The following CCSER2 variants were observed in gnomAD, a reference collection of about 807,000 sequenced individuals.
CCSER2 encodes serine-rich coiled-coil domain-containing protein 2.
A neutral mutation model predicts 92.3 loss-of-function variants in CCSER2; 46 were observed. The observed-to-expected ratio is 0.50, with a 90% CI of 0.39 to 0.64. CCSER2 has a LOEUF of 0.64. Ranked by LOEUF, CCSER2 falls within the 30% of genes least tolerant of loss-of-function variation. The probability of loss-of-function intolerance (pLI) is 0.00; values close to 1 mark genes in which losing one functional copy is unlikely to be tolerated. For missense variants in CCSER2, 1,244 were observed against 1,238.9 expected (o/e 1.00, Z -0.06); for synonymous variants, 433 against 431.4 (o/e 1.00, Z -0.04).
intron 6 of CCSER2, among the ~76,000 whole-genome samples, chr10:84,445,584 AG>A (rs1349866130): frequency 6.6e-6 from 1 of 152,244 alleles, no homozygotes; most frequent in Non-Finnish European, 1.5e-5. Flanking sequence ...CTGTGTAGCC[AG>A]CATCTAGCAA....
In CCSER2 at chr10:84,371,313, T is replaced by G; in HGVS notation, c.261T>G (p.Asn87Lys). ...QGVEEPNNTQ[N>K]SHDKIIDPEK... is the part of the protein sequence containing the mutation. ...TCGAAGAGCCTAACAATACTCAAAA[T>G]TCACATGATAAAATAATTGATCCTG... The change falls in exon 2 of 10, where the codon AAT becomes AAG. Residue 87 changes from asparagine to lysine, a missense_variant. Physicochemically the swap from Asn to Lys is moderately conservative, Grantham distance 94. Transcript: ENST00000372088. 6.2e-7 allele frequency: 1 copy of G among 1,613,700 alleles called. No individual in the cohort carries two copies. The highest frequency in any genetic ancestry group is 8.5e-7 in the Non-Finnish European group (1 of 1,179,850).
intron 1 of CCSER2, among the ~76,000 whole-genome samples, chr10:84,368,580 A>G (rs1234337287): frequency 6.6e-6 from 1 of 152,058 alleles, no homozygotes; most frequent in Non-Finnish European, 1.5e-5. Flanking sequence ...TTTAAAAATA[A>G]AAAAAAATTC....
At chr10:84,457,213 T>TTTAAA (rs1564683886) in intron 6 of CCSER2, among the ~76,000 whole-genome samples, 4 of 112,654 alleles carry the variant, frequency 3.6e-5, no homozygotes, top group Non-Finnish European at 6.9e-5. Context: ...TTTATATATA[T>TTTAAA]ATTACATATT....
chr10:84,497,329 C>T (rs1005341132), intron 9 of CCSER2, among the ~76,000 whole-genome samples: 7 of 152,192 alleles, frequency 4.6e-5, no homozygotes, highest in Admixed American at 1.3e-4. Flanking sequence ...GAGTAACATT[C>T]TTTGTCTTTC....
Position 84,425,854 on chromosome 10 carries a change from C to G in CCSER2, c.1829C>G (p.Pro610Arg), listed in dbSNP as rs1299934655. ...CAGGAGCATTACCACCTCAGCCACCCTGACCACTATCATCACCATGGAAAA... is the reference window on the plus strand; with the variant it reads ...CAGGAGCATTACCACCTCAGCCACCGTGACCACTATCATCACCATGGAAAA... The part of the protein sequence containing the change: ...SGQEHYHLSH[P>R]DHYHHHGKSD... Residue 610 changes from proline to arginine, a missense_variant, in exon 5 of 10, where the codon CCT becomes CGT. Pro to Arg is a moderately radical substitution (Grantham distance 103). Coordinates refer to ENST00000372088, the MANE Select transcript of CCSER2 (RefSeq NM_001284240.2). 1 of 1,611,928 alleles carries G rather than the reference C, an allele frequency of 6.2e-7. No individual in the cohort carries two copies. The highest frequency in any genetic ancestry group is 2.2e-5 in the East Asian group (1 of 44,792).
chr10:84,329,297 G>C (rs1843430295), intron 1 of CCSER2, among the ~76,000 whole-genome samples: 2 of 152,208 alleles, frequency 1.3e-5, no homozygotes, highest in Non-Finnish European at 2.9e-5. Context: ...CTTGTCTTTA[G>C]ACATGTATTT....
At chr10:84,386,578 A>G (rs113453382) in intron 3 of CCSER2, among the ~76,000 whole-genome samples, 17 of 152,276 alleles carry the variant, frequency 1.1e-4, no homozygotes, top group African/African-American at 4.1e-4. Flanking sequence ...TTAGCCAGAC[A>G]TGGTGGCACA....
intron 3 of CCSER2, among the ~76,000 whole-genome samples, chr10:84,393,698 T>C (rs574029161): frequency 6.6e-6 from 1 of 152,342 alleles, no homozygotes; most frequent in East Asian, 1.9e-4. Context: ...TGTGAATAAA[T>C]CCTTGTTAAC....
intron 1 of CCSER2, among the ~76,000 whole-genome samples, chr10:84,348,804 T>C (rs1844698245): frequency 6.6e-6 from 1 of 152,164 alleles, no homozygotes; most frequent in Non-Finnish European, 1.5e-5. Context: ...GTACAAAAAA[T>C]ATCTAAATAC....
chr10:84,338,472 A>G (rs975612311), intron 1 of CCSER2, among the ~76,000 whole-genome samples: 14 of 152,150 alleles, frequency 9.2e-5, no homozygotes, highest in African/African-American at 3.4e-4. Context: ...GTAGTTAACA[A>G]AATGTTTCAA....
intron 3 of CCSER2, among the ~76,000 whole-genome samples, chr10:84,407,439 A>G (rs1270221595): frequency 6.6e-6 from 1 of 152,142 alleles, no homozygotes; most frequent in Non-Finnish European, 1.5e-5. Flanking sequence ...TAAGCATCAT[A>G]CATTTGTTTC....
At chr10:84,430,405 G>C (rs1843701281) in intron 5 of CCSER2, among the ~76,000 whole-genome samples, 1 of 152,064 alleles carries the variant, frequency 6.6e-6, no homozygotes, top group Admixed American at 6.6e-5. Context: ...ATGATTTTTG[G>C]TCAGCTTCTT....
At chr10:84,476,679 G>A (rs992263824) in intron 8 of CCSER2, among the ~76,000 whole-genome samples, 10 of 151,918 alleles carry the variant, frequency 6.6e-5, no homozygotes, top group African/African-American at 1.2e-4. Context: ...TCCTGACCTC[G>A]TGATCCGCCC....
intron 3 of CCSER2, among the ~76,000 whole-genome samples, chr10:84,403,505 G>A (rs78113985): frequency 0.059 from 8,990 of 152,236 alleles, 373 homozygotes; most frequent in Admixed American, 0.1. Context: ...AAGCTACAGC[G>A]TGGGAGAAGA....
intron 9 of CCSER2, among the ~76,000 whole-genome samples, chr10:84,495,009 G>A (rs1848371601): frequency 6.7e-6 from 1 of 148,606 alleles, no homozygotes; most frequent in South Asian, 2.1e-4. Flanking sequence ...CTTACTTTGG[G>A]TTTATTTTGG....
intron 6 of CCSER2, among the ~76,000 whole-genome samples, chr10:84,448,695 T>C (rs1845080259): frequency 6.6e-6 from 1 of 152,242 alleles, no homozygotes; most frequent in South Asian, 2.1e-4. Flanking sequence ...ATATAGACCA[T>C]TTCTGTACTG....
chr10:84,355,950 A>C (rs1845144576), intron 1 of CCSER2, among the ~76,000 whole-genome samples: 1 of 152,134 alleles, frequency 6.6e-6, no homozygotes, highest in South Asian at 2.1e-4. Flanking sequence ...TAAAAATACA[A>C]AAATTAGCTG....
chr10:84,459,000 A>G (rs1219871818), intron 6 of CCSER2, among the ~76,000 whole-genome samples: 1 of 151,838 alleles, frequency 6.6e-6, no homozygotes, highest in Non-Finnish European at 1.5e-5. Context: ...TTCATGTACT[A>G]GTTCTAGTAG....
intron 9 of CCSER2, among the ~76,000 whole-genome samples, chr10:84,489,913 G>GA (rs1848050719): frequency 6.6e-6 from 1 of 152,104 alleles, no homozygotes; most frequent in Non-Finnish European, 1.5e-5. Context: ...CTTCCTTCAG[G>GA]AGCTCTTTTA....
Sources: allele counts gnomAD v4.1 joint callset (sites outside exome capture counted in the v4.1 genomes callset), GRCh38; gene constraint gnomAD v4.1.1; transcripts MANE v1.5; gene names NCBI Gene and HGNC (gene_info 2026-07-23, HGNC 2026-07-21).